CACNA2D3: variants seen among roughly 807,000 people sequenced by gnomAD.
CACNA2D3 encodes the protein voltage-dependent calcium channel subunit alpha-2/delta-3.
CACNA2D3 carries 60 observed loss-of-function variants against 160.6 expected under a neutral mutation model. The observed-to-expected ratio is 0.37, with a 90% confidence interval of 0.30 to 0.46. The LOEUF (loss-of-function observed/expected upper bound fraction) is 0.46, where lower values mean the gene tolerates loss of function less well. Ranked by LOEUF, CACNA2D3 falls within the 20% of genes least tolerant of loss-of-function variation. CACNA2D3 has a pLI of 1.00. For synonymous variants in CACNA2D3, 558 were observed against 492.9 expected, an observed-to-expected ratio of 1.13 and a Z score of -1.75; for missense variants, 1,205 against 1,365.0, an observed-to-expected ratio of 0.88 and a Z score of 1.85.
chr3:54,918,868 C>G, intron 27 of CACNA2D3: 1 of 1,554,112 alleles, frequency 6.4e-7, no homozygotes, highest in South Asian at 1.2e-5. Context: ...TGGTGATTCA[C>G]AGATGATGCC....
intron 35 of CACNA2D3, among the ~76,000 whole-genome samples, chr3:55,038,317 G>A (rs1219066650): frequency 6.6e-6 from 1 of 152,044 alleles, no homozygotes; most frequent in Non-Finnish European, 1.5e-5. Context: ...TTTCACGCAG[G>A]AGACGCATTT....
intron 4 of CACNA2D3, 35 bp downstream of exon 4, chr3:54,386,809 G>A (rs1471496875): frequency 1.3e-6 from 2 of 1,544,358 alleles, no homozygotes; most frequent in African/African-American, 1.4e-5. Flanking sequence ...ATTGTTTTGT[G>A]TGTTTCCTGC....
chr3:54,158,073 C>T (rs1700276814), intron 2 of CACNA2D3, among the ~76,000 whole-genome samples: 1 of 152,224 alleles, frequency 6.6e-6, no homozygotes, highest in East Asian at 1.9e-4. Flanking sequence ...TCCTGTGTTG[C>T]CTGTAATCTC....
intron 4 of CACNA2D3, among the ~76,000 whole-genome samples, chr3:54,466,985 C>T (rs2106862371): frequency 6.6e-6 from 1 of 152,258 alleles, no homozygotes; most frequent in East Asian, 1.9e-4. Flanking sequence ...CTGGAAGTAC[C>T]ATTCAGTTCT....
At chr3:54,810,822 ACT>A (rs1703288240) in intron 13 of CACNA2D3, among the ~76,000 whole-genome samples, 1 of 152,182 alleles carries the variant, frequency 6.6e-6, no homozygotes, top group Non-Finnish European at 1.5e-5. Flanking sequence ...TCTGTGTGAA[ACT>A]CTGAGGTAGA....
At chr3:54,620,889 G>A (rs1698971308) in intron 9 of CACNA2D3, among the ~76,000 whole-genome samples, 1 of 152,206 alleles carries the variant, frequency 6.6e-6, no homozygotes, top group African/African-American at 2.4e-5. Flanking sequence ...ATCAAACAAA[G>A]TAATGTACAA....
rs116067129 is a variant in CACNA2D3, at chr3:54,185,673, C to T, written c.204+62079C>T. On this transcript the variant is annotated intron_variant, in intron 2 of 37. Coordinates refer to ENST00000474759, the MANE Select transcript of CACNA2D3 (RefSeq NM_018398.3). Reference sequence around the variant, plus strand: ...TCTCTAGGTCTCTGTTACAAATACTCGACTCTGCTGTTGTTGTGTGAAAGC... The same window carrying T: ...TCTCTAGGTCTCTGTTACAAATACTTGACTCTGCTGTTGTTGTGTGAAAGC... Among the ~76,000 whole-genome samples the T allele has an allele frequency of 6.4e-3, 974 of 152,240 alleles. 13 individuals carry two copies. Among genetic ancestry groups the T allele is most frequent in the African/African-American group, 0.023 (938 of 41,540 alleles).
chr3:54,805,773 C>G (rs1489871557), intron 13 of CACNA2D3, among the ~76,000 whole-genome samples: 10 of 152,324 alleles, frequency 6.6e-5, no homozygotes, highest in African/African-American at 2.4e-4. Flanking sequence ...AGACCAATAT[C>G]CTTGATGAAC....
chr3:54,476,106 G>A (rs1700826302), intron 4 of CACNA2D3, among the ~76,000 whole-genome samples: 2 of 135,734 alleles, frequency 1.5e-5, no homozygotes, highest in Admixed American at 1.6e-4. Flanking sequence ...TTGTCTTTCT[G>A]TGCCTGGCTT....
At chr3:54,546,102 G>A (rs1702060333) in intron 5 of CACNA2D3, among the ~76,000 whole-genome samples, 1 of 152,152 alleles carries the variant, frequency 6.6e-6, no homozygotes, top group African/African-American at 2.4e-5. Context: ...CAATTTTGTG[G>A]CCCTATAAGG....
chr3:54,127,358 A>G (rs976052521), intron 2 of CACNA2D3, among the ~76,000 whole-genome samples: 1 of 152,252 alleles, frequency 6.6e-6, no homozygotes, highest in Admixed American at 6.5e-5. Flanking sequence ...GCCTTAATAT[A>G]TAAAGTTGAT....
At chr3:54,428,129 G>A (rs1699935534) in intron 4 of CACNA2D3, among the ~76,000 whole-genome samples, 1 of 152,192 alleles carries the variant, frequency 6.6e-6, no homozygotes, top group South Asian at 2.1e-4. Context: ...TACTACCTCA[G>A]TGTTTGTTTA....
At chr3:54,542,636 A>T (rs78534467) in intron 5 of CACNA2D3, among the ~76,000 whole-genome samples, 9,344 of 152,204 alleles carry the variant, frequency 0.061, 361 homozygotes, top group Middle Eastern at 0.088. Flanking sequence ...AGAAACATGA[A>T]GGCCGGCAGA....
In CACNA2D3 at chr3:54,316,309, T is replaced by G. The variant is rs541720273; in HGVS notation, c.205-4133T>G. On this transcript the variant is annotated intron_variant, in intron 2 of 37. Transcript: ENST00000474759. ...AGTAATTTTGATGTATGTCAACATT[T>G]TAAGTTACTAAGGGCTTTTGATTGA... 5.8e-4 allele frequency among the ~76,000 whole-genome samples: 88 copies of G among 152,302 alleles called. 1 individual carries two copies. The South Asian group carries it at 0.017, about 30-fold the overall frequency.
chr3:54,472,716 A>G (rs1700755563), intron 4 of CACNA2D3, among the ~76,000 whole-genome samples: 1 of 152,228 alleles, frequency 6.6e-6, no homozygotes, highest in Non-Finnish European at 1.5e-5. Context: ...ATGTGCAAAA[A>G]TCATAAACAT....
At chr3:54,392,960 G>A (rs1361726589) in intron 4 of CACNA2D3, among the ~76,000 whole-genome samples, 2 of 152,174 alleles carry the variant, frequency 1.3e-5, no homozygotes, top group Non-Finnish European at 2.9e-5. Flanking sequence ...CTTAGTGCTT[G>A]TCCCCCGCCA....
At chr3:55,053,220 A>G (rs1704272653) in intron 35 of CACNA2D3, among the ~76,000 whole-genome samples, 1 of 151,800 alleles carries the variant, frequency 6.6e-6, no homozygotes, top group African/African-American at 2.4e-5. Context: ...ATGAGCTTGT[A>G]TTTTCTAGAA....
chr3:54,727,841 G>C (rs991464050), intron 11 of CACNA2D3, among the ~76,000 whole-genome samples: 10 of 152,030 alleles, frequency 6.6e-5, no homozygotes, highest in Non-Finnish European at 1.3e-4. Flanking sequence ...AAACTACCAT[G>C]ACACATGTAT....
intron 5 of CACNA2D3, among the ~76,000 whole-genome samples, chr3:54,503,863 T>G (rs1169341527): frequency 3.3e-5 from 5 of 152,232 alleles, no homozygotes; most frequent in African/African-American, 1.2e-4. Flanking sequence ...TCTGGCTGGT[T>G]GTTTACATCA....
Sources: gnomAD v4.1 joint callset for allele counts (sites outside exome capture counted in the v4.1 genomes callset) on GRCh38, gnomAD v4.1.1 for gene constraint, MANE v1.5 for transcripts, NCBI Gene and HGNC (gene_info 2026-07-23, HGNC 2026-07-21) for gene names.